POLB: variants seen among roughly 807,000 people sequenced by gnomAD.
The protein encoded by POLB is DNA polymerase beta, also known as 5'-dRP lyase.
In POLB, 37 loss-of-function variants were observed where a neutral mutation model predicts 52.7. That is an observed-to-expected ratio of 0.70 (90% CI 0.54 to 0.92). POLB has a LOEUF of 0.92. Among genes scored for constraint, POLB ranks in the 40% least tolerant of loss-of-function variants. POLB has a pLI of 0.00. For synonymous variants in POLB, 138 were observed against 131.3 expected, an observed-to-expected ratio of 1.05 and a Z score of -0.35; for missense variants, 313 against 400.8, an observed-to-expected ratio of 0.78 and a Z score of 1.87.
At chr8:42,363,844 G>A (rs1022040121) in intron 11 of POLB, among the ~76,000 whole-genome samples, 7 of 152,072 alleles carry the variant, frequency 4.6e-5, no homozygotes, top group African/African-American at 1.2e-4. Flanking sequence ...CAAGATGAAT[G>A]GCTAGTGGAT....
intron 13 of POLB, 200 bp downstream of exon 13, chr8:42,370,188 G>A (rs760519717): frequency 9.6e-6 from 6 of 626,978 alleles, no homozygotes; most frequent in East Asian, 3.2e-5. Context: ...CAAGGCAAGC[G>A]TTAGTTCCAG....
chr8:42,352,768 C>T (rs1188312089), intron 6 of POLB, among the ~76,000 whole-genome samples, 200 bp downstream of exon 6: 1 of 152,104 alleles, frequency 6.6e-6, no homozygotes, highest in Admixed American at 6.5e-5. Context: ...TTGTAACTAA[C>T]TCAGAGAAAA....
At chr8:42,346,137 G>T (rs571459229) in intron 3 of POLB, among the ~76,000 whole-genome samples, 25 of 152,110 alleles carry the variant, frequency 1.6e-4, no homozygotes, top group Middle Eastern at 3.4e-3. Flanking sequence ...GGCCAGGCTG[G>T]TCTCAAACTC....
intron 2 of POLB, chr8:42,339,846 C>A (rs1255536481): frequency 6.6e-6 from 1 of 151,990 alleles, no homozygotes; most frequent in African/African-American, 2.4e-5. Flanking sequence ...GCTGGGATTC[C>A]AGGCATCAGC....
chr8:42,352,035 T>C (rs1048415256), intron 5 of POLB, among the ~76,000 whole-genome samples: 2 of 152,244 alleles, frequency 1.3e-5, no homozygotes, highest in African/African-American at 4.8e-5. Context: ...AACCTCAGCT[T>C]AGATACCATC....
chr8:42,362,368 C>CAA (rs772283272), intron 10 of POLB, among the ~76,000 whole-genome samples: 2 of 132,232 alleles, frequency 1.5e-5, no homozygotes, highest in Admixed American at 7.6e-5. Flanking sequence ...GATTCCCTGC[C>CAA]AAAAAAAAAA....
At chr8:42,367,307 A>G (rs1239351793) in intron 11 of POLB, among the ~76,000 whole-genome samples, 2 of 152,182 alleles carry the variant, frequency 1.3e-5, no homozygotes, top group African/African-American at 4.8e-5. Context: ...AAGGAAGAAC[A>G]GGGTCTAGGG....
chr8:42,342,918 G>T (rs1822301295), intron 2 of POLB, among the ~76,000 whole-genome samples: 2 of 152,288 alleles, frequency 1.3e-5, no homozygotes, highest in Non-Finnish European at 2.9e-5. Context: ...GCTGCGTGTG[G>T]TGGCTCATGC....
chr8:42,338,669 C>T lies in POLB; in HGVS notation c.45C>T (p.Ile15=), dbSNP rs755089897. The T allele has an allele frequency of 8.1e-6, 13 of 1,614,146 alleles. No homozygotes were observed. Among genetic ancestry groups the T allele is most frequent in the Non-Finnish European group, 1.1e-5 (13 of 1,179,940 alleles). ...KAPQETLNGG[I]TDMLTELANF... is the part of the protein sequence containing the mutation. ...CGCAGGAGACTCTCAACGGGGGAAT[C>T]ACCGACATGCTCACAGGTTAGCACC... The change falls in exon 1 of 14, where the codon ATC becomes ATT. Residue 15 remains isoleucine (I), a synonymous_variant. Transcript: ENST00000265421.
At chr8:42,366,414 G>A (rs1254297399) in intron 11 of POLB, among the ~76,000 whole-genome samples, 6 of 152,178 alleles carry the variant, frequency 3.9e-5, no homozygotes, top group Admixed American at 6.5e-5. Flanking sequence ...TGTTTTTAAA[G>A]TATAGAAGAT....
At chr8:42,349,345 A>G (rs1391131662) in intron 4 of POLB, 18 of 296,802 alleles carry the variant, frequency 6.1e-5, no homozygotes, top group Non-Finnish European at 9.9e-5. Context: ...AAAAGAGATT[A>G]TAAACTTTGA....
intron 6 of POLB, among the ~76,000 whole-genome samples, chr8:42,355,141 C>T (rs924308257): frequency 7.3e-5 from 11 of 151,154 alleles, no homozygotes; most frequent in Admixed American, 5.3e-4. Context: ...CAGGTTCAAG[C>T]GATTCTCTTG....
At chr8:42,357,697 G>A (rs1029101699) in intron 9 of POLB, 8 of 277,142 alleles carry the variant, frequency 2.9e-5, no homozygotes, top group Admixed American at 5.3e-5. Flanking sequence ...GTGAAGTTGT[G>A]GGTAGTTTTG....
chr8:42,362,803 A>G (rs1823784804), intron 11 of POLB, 105 bp downstream of exon 11: 1 of 665,418 alleles, frequency 1.5e-6, no homozygotes, highest in Non-Finnish European at 2.7e-6. Context: ...CAGTCACCAA[A>G]TAGAGTATCC....
At chr8:42,354,017 G>A (rs1318620455) in intron 6 of POLB, among the ~76,000 whole-genome samples, 1 of 152,150 alleles carries the variant, frequency 6.6e-6, no homozygotes, top group Admixed American at 6.5e-5. Context: ...ATGCTTTGAT[G>A]CCTGTGGTAT....
chr8:42,369,216 A>C lies in POLB; in HGVS notation c.709-55A>C, dbSNP rs554745326. On this transcript the variant is annotated intron_variant, in intron 11 of 13. Transcript: ENST00000265421. ...ATGGCCTTGTGTTTTACTTGATTAA[A>C]ATTAAGCCTTAAGTTTAGAACATCT... 1.3e-5 allele frequency: 14 copies of C among 1,064,872 alleles called. No individual in the cohort carries two copies. The South Asian group carries it at 1.7e-4, about 13-fold the overall frequency. 66.0% of individuals were successfully genotyped at this position (1,064,872 alleles called of 1,614,324 possible). A position where few individuals can be genotyped will look rare whatever the true frequency, so the allele number is the denominator to read the frequency against.
chr8:42,344,342 A>G (rs1166393182), intron 2 of POLB, among the ~76,000 whole-genome samples: 2 of 151,012 alleles, frequency 1.3e-5, no homozygotes, highest in African/African-American at 4.9e-5. Flanking sequence ...GGTGGCGGGT[A>G]CCTATAATCC....
chr8:42,343,321 C>CAAAAAA (rs1157325948), intron 2 of POLB, among the ~76,000 whole-genome samples: 13 of 2,816 alleles, frequency 4.6e-3, no homozygotes, highest in Admixed American at 0.02. Context: ...GACTGCGTCT[C>CAAAAAA]AAAAAAAAAA....
intron 5 of POLB, 30 bp downstream of exon 5, chr8:42,350,095 C>A (rs373934594): frequency 7.0e-7 from 1 of 1,433,666 alleles, no homozygotes; most frequent in South Asian, 1.1e-5. Flanking sequence ...CAGACACAAT[C>A]GTCAGTTAGT....
Sources: allele counts gnomAD v4.1 joint callset (sites outside exome capture counted in the v4.1 genomes callset), GRCh38; gene constraint gnomAD v4.1.1; transcripts MANE v1.5; gene names NCBI Gene and HGNC (gene_info 2026-07-23, HGNC 2026-07-21).